Variants in ASIC2 observed in about 807,000 individuals in gnomAD.
The protein encoded by ASIC2 is acid sensing ion channel subunit 2.
Under a neutral mutation model 57.3 loss-of-function variants are expected in ASIC2, and 25 were observed. The ratio of observed to expected loss-of-function variants is 0.44; its 90% CI spans 0.32 to 0.61. The LOEUF (loss-of-function observed/expected upper bound fraction) is 0.61. ASIC2 is among the 20% of genes least tolerant of loss of function. ASIC2 has a pLI of 0.06. For synonymous variants in ASIC2, 319 were observed against 307.5 expected, an observed-to-expected ratio of 1.04 and a Z score of -0.39; for missense variants, 641 against 738.1, an observed-to-expected ratio of 0.87 and a Z score of 1.52.
At chr17:33,625,129 GTCTA>G (rs199907150) in intron 1 of ASIC2, among the ~76,000 whole-genome samples, 23,282 of 146,120 alleles carry the variant, frequency 0.16, 2,127 homozygotes, top group Admixed American at 0.2. Flanking sequence ...TGGCCTCTCT[GTCTA>G]TCTATCTATC....
intron 1 of ASIC2, among the ~76,000 whole-genome samples, chr17:33,969,990 C>T (rs148699537): frequency 1.3e-5 from 2 of 152,218 alleles, no homozygotes; most frequent in East Asian, 1.9e-4. Flanking sequence ...ACACAGCTGC[C>T]GGTACCATTA....
At position 33,276,367 on chromosome 17, in the gene ASIC2, G is replaced by A. The variant is rs144484941; in HGVS notation, c.708+15041C>T. Among the ~76,000 whole-genome samples, 194 of 152,274 alleles carry A rather than the reference G, an allele frequency of 1.3e-3. 1 individual carries two copies. The highest frequency in any genetic ancestry group is 4.6e-3 in the African/African-American group (191 of 41,544). Reference sequence around the variant, plus strand: ...AACAGCCTTAGCAATTCTAACTAAAGGCCTTGTAGCGACAAAAGTGAAAGC... The same window carrying A: ...AACAGCCTTAGCAATTCTAACTAAAAGCCTTGTAGCGACAAAAGTGAAAGC... On this transcript the variant is annotated intron_variant, in intron 1 of 9. Transcript: ENST00000225823.
At chr17:33,928,119 T>C (rs1261272992) in intron 1 of ASIC2, among the ~76,000 whole-genome samples, 1 of 152,198 alleles carries the variant, frequency 6.6e-6, no homozygotes, top group Non-Finnish European at 1.5e-5. Flanking sequence ...TTTGGTTTTT[T>C]TCCCCCTGCC....
At chr17:33,586,784 A>G (rs372456961) in intron 1 of ASIC2, among the ~76,000 whole-genome samples, 3 of 152,152 alleles carry the variant, frequency 2.0e-5, no homozygotes, top group Non-Finnish European at 2.9e-5. Context: ...CTCGACCTCA[A>G]AATTATCCAT....
At chr17:33,355,518 G>T (rs1044450530) in intron 1 of ASIC2, among the ~76,000 whole-genome samples, 4 of 151,836 alleles carry the variant, frequency 2.6e-5, no homozygotes, top group Non-Finnish European at 4.4e-5. Flanking sequence ...TTAGATGGGG[G>T]CGGGGGCTTT....
intron 1 of ASIC2, among the ~76,000 whole-genome samples, chr17:33,172,132 G>GC (rs1167504490): frequency 6.6e-6 from 1 of 152,198 alleles, no homozygotes; most frequent in Non-Finnish European, 1.5e-5. Context: ...ATTGCATCAT[G>GC]CCCCCTGATA....
chr17:33,889,230 A>C (rs1914901961), intron 1 of ASIC2, among the ~76,000 whole-genome samples: 1 of 151,816 alleles, frequency 6.6e-6, no homozygotes, highest in South Asian at 2.1e-4. Context: ...ATCTGGTTCA[A>C]CCCCCCCTCG....
chr17:33,417,962 T>C (rs966155457), intron 1 of ASIC2, among the ~76,000 whole-genome samples: 2 of 151,852 alleles, frequency 1.3e-5, no homozygotes, highest in Non-Finnish European at 2.9e-5. Flanking sequence ...GTCAACCCTA[T>C]TTTGTTGACC....
chr17:33,693,493 T>G (rs1908435073), intron 1 of ASIC2, among the ~76,000 whole-genome samples: 1 of 152,100 alleles, frequency 6.6e-6, no homozygotes, highest in Non-Finnish European at 1.5e-5. Flanking sequence ...AGAGCTCAGG[T>G]GCCTTAGGGA....
intron 1 of ASIC2, among the ~76,000 whole-genome samples, chr17:33,781,556 G>C (rs1020757502): frequency 6.6e-6 from 1 of 152,174 alleles, no homozygotes; most frequent in African/African-American, 2.4e-5. Flanking sequence ...TAACAGTAAT[G>C]CATTTGGACA....
At chr17:33,284,028 G>A (rs1012065556) in intron 1 of ASIC2, among the ~76,000 whole-genome samples, 1 of 152,150 alleles carries the variant, frequency 6.6e-6, no homozygotes, top group African/African-American at 2.4e-5. Context: ...TGTCTGCTCT[G>A]TTGTTAGCTG....
At chr17:33,128,220 T>C (rs1395975917) in intron 1 of ASIC2, among the ~76,000 whole-genome samples, 1 of 152,218 alleles carries the variant, frequency 6.6e-6, no homozygotes, top group Non-Finnish European at 1.5e-5. Context: ...CCTGTCACAC[T>C]GGACAGTCTG....
At chr17:33,779,670 G>A (rs963079111) in intron 1 of ASIC2, among the ~76,000 whole-genome samples, 1 of 152,172 alleles carries the variant, frequency 6.6e-6, no homozygotes, top group African/African-American at 2.4e-5. Context: ...CCTGAAGTGA[G>A]GGGGAGGGAT....
At chr17:33,143,109 A>G (rs1904393900) in intron 1 of ASIC2, among the ~76,000 whole-genome samples, 1 of 152,278 alleles carries the variant, frequency 6.6e-6, no homozygotes, top group African/African-American at 2.4e-5. Context: ...AAAGCCTGCC[A>G]GCATGCTACC....
intron 1 of ASIC2, among the ~76,000 whole-genome samples, chr17:33,133,539 A>G (rs1004466379): frequency 2.0e-5 from 3 of 152,140 alleles, no homozygotes; most frequent in African/African-American, 7.2e-5. Flanking sequence ...GGAAACTTAG[A>G]CTCTCAGAAG....
At chr17:34,010,975 C>T (rs983429262) in intron 1 of ASIC2, among the ~76,000 whole-genome samples, 57 of 3,214 alleles carry the variant, frequency 0.018, no homozygotes, top group Non-Finnish European at 0.029. Context: ...CATGCACACG[C>T]ACACACACAT....
At chr17:33,558,942 A>AT (rs1915992413) in intron 1 of ASIC2, among the ~76,000 whole-genome samples, 1 of 152,018 alleles carries the variant, frequency 6.6e-6, no homozygotes, top group South Asian at 2.1e-4. Context: ...TAAGTTTTGG[A>AT]TTTTTAGTAG....
At position 33,096,036 on chromosome 17, in the gene ASIC2, C is replaced by T. The variant is rs985429246; in HGVS notation, c.860-7046G>A. 2.0e-5 allele frequency among the ~76,000 whole-genome samples: 3 copies of T among 152,264 alleles called. No homozygotes were observed. In the East Asian group the frequency reaches 5.8e-4, roughly 29 times the overall value. On this transcript the variant is annotated intron_variant, in intron 2 of 9. Coordinates refer to ENST00000225823, the MANE Select transcript of ASIC2 (RefSeq NM_183377.2). Reference sequence around the variant, plus strand: ...CCTGCTGTGGCACTGCTCTGCATTCCCTAGGAGACTATAAAGTGTGTGTGT... The same window carrying T: ...CCTGCTGTGGCACTGCTCTGCATTCTCTAGGAGACTATAAAGTGTGTGTGT...
intron 3 of ASIC2, among the ~76,000 whole-genome samples, chr17:33,071,766 C>A (rs2092070319): frequency 6.6e-6 from 1 of 152,134 alleles, no homozygotes; most frequent in South Asian, 2.1e-4. Context: ...ATTTGTTAGG[C>A]AGAAACAAAG....
Sources: gnomAD v4.1 joint callset for allele counts (sites outside exome capture counted in the v4.1 genomes callset) on GRCh38, gnomAD v4.1.1 for gene constraint, MANE v1.5 for transcripts, NCBI Gene and HGNC (gene_info 2026-07-23, HGNC 2026-07-21) for gene names.